CPPED1: variants seen among roughly 807,000 people sequenced by gnomAD.
CPPED1 encodes the protein calcineurin like phosphoesterase domain containing 1.
CPPED1 carries 28 observed loss-of-function variants against 28.0 expected under a neutral mutation model. That is an observed-to-expected ratio of 1.00 (90% confidence interval 0.74 to 1.37). The LOEUF is 1.37. Ranked by LOEUF, CPPED1 falls within the 40% of genes most tolerant of loss-of-function variation. CPPED1 has a pLI of 0.00. For synonymous variants in CPPED1, 198 were observed against 180.2 expected (o/e 1.10, Z -0.79); for missense variants, 504 against 416.5 (o/e 1.21, Z -1.83).
At chr16:12,758,892 G>T (rs1471955057) in intron 2 of CPPED1, among the ~76,000 whole-genome samples, 1 of 151,992 alleles carries the variant, frequency 6.6e-6, no homozygotes, top group East Asian at 1.9e-4. Flanking sequence ...GCTGGGTGTG[G>T]TGGCTCATGC....
chr16:12,728,318 A>G (rs932907037), intron 2 of CPPED1, among the ~76,000 whole-genome samples: 1 of 152,166 alleles, frequency 6.6e-6, no homozygotes, highest in African/African-American at 2.4e-5. Context: ...TAATTATGTG[A>G]TTATCTATAC....
At chr16:12,677,479 A>G (rs1455851400) in intron 3 of CPPED1, among the ~76,000 whole-genome samples, 16 of 152,204 alleles carry the variant, frequency 1.1e-4, no homozygotes, top group Admixed American at 9.8e-4. Context: ...TCTCTACTAA[A>G]AATACAGAAA....
intron 1 of CPPED1, among the ~76,000 whole-genome samples, chr16:12,793,309 C>T (rs1004623784): frequency 3.3e-5 from 5 of 152,206 alleles, no homozygotes; most frequent in East Asian, 1.9e-4. Flanking sequence ...TGTGGAGACG[C>T]GCTCCAGGGA....
chr16:12,739,418 A>G (rs1373523232), intron 2 of CPPED1, among the ~76,000 whole-genome samples: 1 of 152,062 alleles, frequency 6.6e-6, no homozygotes, highest in East Asian at 1.9e-4. Context: ...TGTCTCTACT[A>G]AAAATACAAA....
At chr16:12,690,635 A>C (rs1314479825) in intron 3 of CPPED1, among the ~76,000 whole-genome samples, 3 of 148,356 alleles carry the variant, frequency 2.0e-5, no homozygotes, top group South Asian at 2.2e-4. Context: ...TGGGCAAAAT[A>C]GTGAAACAGT....
Position 12,803,782 on chromosome 16 carries a change from G to C in CPPED1, c.-6C>G. On this transcript the variant is annotated 5_prime_UTR_variant, in exon 1 of 4. Coordinates refer to ENST00000381774, the MANE Select transcript of CPPED1 (RefSeq NM_018340.3). ...CCCGCCTCTGCAGCCGACATGGCGA[G>C]CGAGTTTCTGGCCTTCACTTAGAAC... 1 of 1,598,782 alleles carries C rather than the reference G, an allele frequency of 6.3e-7. No individual in the cohort carries two copies. The highest frequency in any genetic ancestry group is 8.5e-7 in the Non-Finnish European group (1 of 1,173,644).
At chr16:12,693,969 G>A (rs1314111703) in intron 3 of CPPED1, among the ~76,000 whole-genome samples, 1 of 152,168 alleles carries the variant, frequency 6.6e-6, no homozygotes, top group Non-Finnish European at 1.5e-5. Flanking sequence ...TTTAGGAGGG[G>A]CTGAGGTGGG....
Position 12,723,905 on chromosome 16 carries a change from T to G in CPPED1, c.290-18856A>C, listed in dbSNP as rs147619057. 4.7e-3 allele frequency among the ~76,000 whole-genome samples: 712 copies of G among 152,258 alleles called. 3 individuals carry two copies. The highest frequency in any genetic ancestry group is 7.8e-3 in the Non-Finnish European group (531 of 68,000). ...GGGGAAAAGCTGCCATCCACCCAGC[T>G]GCCTGACTCAGAGATCTGATCCCTG... is the stretch of plus-strand genomic sequence containing the variant. On this transcript the variant is annotated intron_variant, in intron 2 of 3. Coordinates refer to ENST00000381774, the MANE Select transcript of CPPED1 (RefSeq NM_018340.3).
At chr16:12,784,081 C>A (rs2080548417) in intron 1 of CPPED1, among the ~76,000 whole-genome samples, 1 of 152,228 alleles carries the variant, frequency 6.6e-6, no homozygotes, top group South Asian at 2.1e-4. Flanking sequence ...ATGATGATGG[C>A]AGTCCCTTCC....
intron 3 of CPPED1, among the ~76,000 whole-genome samples, chr16:12,690,008 A>G (rs1482240510): frequency 6.6e-6 from 1 of 152,262 alleles, no homozygotes; most frequent in African/African-American, 2.4e-5. Flanking sequence ...ACTGATTGCC[A>G]TAATTTGTCT....
chr16:12,673,839 G>C (rs565201513), intron 3 of CPPED1, among the ~76,000 whole-genome samples: 2 of 152,144 alleles, frequency 1.3e-5, no homozygotes, highest in Non-Finnish European at 2.9e-5. Flanking sequence ...TTGGGGCCAG[G>C]AGTTGGAGAC....
chr16:12,748,047 G>A (rs1480449094), intron 2 of CPPED1, among the ~76,000 whole-genome samples: 8 of 152,172 alleles, frequency 5.3e-5, no homozygotes, highest in Non-Finnish European at 1.2e-4. Flanking sequence ...ACACATTTCT[G>A]CTATGCGTAT....
At chr16:12,689,941 C>T (rs1310281165) in intron 3 of CPPED1, among the ~76,000 whole-genome samples, 1 of 152,194 alleles carries the variant, frequency 6.6e-6, no homozygotes, top group Non-Finnish European at 1.5e-5. Flanking sequence ...CTCTGTTCAT[C>T]CTGAGTTGCT....
At chr16:12,734,057 C>CTT (rs1567289981) in intron 2 of CPPED1, among the ~76,000 whole-genome samples, 1 of 102,974 alleles carries the variant, frequency 9.7e-6, no homozygotes. Flanking sequence ...TCAAATTACA[C>CTT]GTTTTTTTTT....
At chr16:12,773,439 C>A (rs926381778) in intron 2 of CPPED1, among the ~76,000 whole-genome samples, 1 of 152,142 alleles carries the variant, frequency 6.6e-6, no homozygotes, top group Admixed American at 6.5e-5. Flanking sequence ...AAAGTGGCCC[C>A]GACTCGGCGT....
At chr16:12,769,529 AAAC>A (rs930611836) in intron 2 of CPPED1, among the ~76,000 whole-genome samples, 4 of 152,138 alleles carry the variant, frequency 2.6e-5, no homozygotes, top group Non-Finnish European at 4.4e-5. Context: ...ACCTAATCAG[AAAC>A]AACTTTTTAA....
intron 2 of CPPED1, among the ~76,000 whole-genome samples, chr16:12,754,786 A>G (rs2080354264): frequency 6.6e-6 from 1 of 152,130 alleles, no homozygotes; most frequent in African/African-American, 2.4e-5. Context: ...ATCACCTGAA[A>G]CCAGGAGTTC....
chr16:12,794,829 A>G (rs1031229999), intron 1 of CPPED1, among the ~76,000 whole-genome samples: 1 of 152,194 alleles, frequency 6.6e-6, no homozygotes, highest in African/African-American at 2.4e-5. Flanking sequence ...CACACAAAAG[A>G]TTCTGAGTCA....
intron 2 of CPPED1, chr16:12,757,460 C>T (rs936436281): frequency 6.6e-6 from 1 of 151,594 alleles, no homozygotes; most frequent in Non-Finnish European, 1.5e-5. Flanking sequence ...TCTCTACTGG[C>T]TTCCCTTTGA....
Sources: allele counts gnomAD v4.1 joint callset (sites outside exome capture counted in the v4.1 genomes callset), GRCh38; gene constraint gnomAD v4.1.1; transcripts MANE v1.5; gene names NCBI Gene and HGNC (gene_info 2026-07-23, HGNC 2026-07-21).